Variants in PKHD1 observed in about 807,000 individuals in gnomAD.
The protein encoded by PKHD1 is fibrocystin.
A neutral mutation model predicts 412.0 loss-of-function variants in PKHD1; 291 were observed. The ratio of observed to expected loss-of-function variants is 0.71; its 90% CI spans 0.64 to 0.78. The LOEUF is 0.78. Ranked by LOEUF, PKHD1 falls within the 30% of genes least tolerant of loss-of-function variation. The pLI is 0.00. For synonymous variants in PKHD1, 1,777 were observed against 1,821.5 expected (o/e 0.98, Z 0.62); for missense variants, 4,825 against 4,950.7 (o/e 0.97, Z 0.76).
At chr6:51,864,619 C>A (rs1156253781) in intron 48 of PKHD1, among the ~76,000 whole-genome samples, 2 of 151,890 alleles carry the variant, frequency 1.3e-5, no homozygotes, top group African/African-American at 4.8e-5. Flanking sequence ...AGAAACAGGT[C>A]TACAGAAAAA....
chr6:51,939,535 C>A (rs1788127191), intron 36 of PKHD1, among the ~76,000 whole-genome samples: 3 of 151,588 alleles, frequency 2.0e-5, no homozygotes. Flanking sequence ...GACCCCATTA[C>A]AAACTTGACA....
chr6:51,911,929 C>G lies in PKHD1; in HGVS notation c.6360G>C (p.Trp2120Cys), dbSNP rs1440253606. The G allele has an allele frequency of 6.2e-7, 1 of 1,611,786 alleles. No homozygotes were observed. Among genetic ancestry groups the G allele is most frequent in the Non-Finnish European group, 8.5e-7 (1 of 1,178,674 alleles). ...TTAAAATATGGTGCTCTCCAGCCAC[C>G]CAATTCTCTGTAAAGTTGTGAGAAT... is the stretch of plus-strand genomic sequence containing the variant. ...LRYSHNFTEN[W>C]VAGEHHILKA... The change falls in exon 39 of 67, where the codon TGG (tryptophan) becomes TGC (cysteine). Residue 2120 changes from tryptophan (W) to cysteine (C), a missense_variant. Transcript: ENST00000371117.
intron 52 of PKHD1, among the ~76,000 whole-genome samples, chr6:51,816,761 C>T (rs1010307121): frequency 2.6e-5 from 4 of 152,206 alleles, no homozygotes; most frequent in African/African-American, 9.6e-5. Flanking sequence ...TATCACTTTC[C>T]TTTTTCTGTC....
intron 27 of PKHD1, among the ~76,000 whole-genome samples, chr6:52,039,222 A>G (rs1221463125): frequency 6.6e-6 from 1 of 152,200 alleles, no homozygotes; most frequent in Non-Finnish European, 1.5e-5. Context: ...TAATAATAAC[A>G]AGCACTGGTG....
intron 35 of PKHD1, among the ~76,000 whole-genome samples, chr6:51,986,936 A>G (rs9474125): frequency 0.015 from 2,254 of 152,348 alleles, 61 homozygotes; most frequent in African/African-American, 0.051. Context: ...TCTGGCACAC[A>G]CATAATCTAG....
At chr6:51,762,663 A>ATT (rs537286606) in intron 55 of PKHD1, among the ~76,000 whole-genome samples, 1 of 150,678 alleles carries the variant, frequency 6.6e-6, no homozygotes, top group African/African-American at 2.4e-5. Flanking sequence ...ATATATATAT[A>ATT]TATTTTCAGG....
rs774841199 is a variant in PKHD1 at position 52,058,612 on chromosome 6, A to G, written c.1234-11T>C. The G allele has an allele frequency of 6.2e-7, 1 of 1,613,404 alleles. No individual in the cohort carries two copies. On this transcript the variant is annotated splice_polypyrimidine_tract_variant and intron_variant, in intron 15 of 66. Coordinates refer to ENST00000371117, the MANE Select transcript of PKHD1 (RefSeq NM_138694.4). ...GGAGGCCACTTTCACCTATGCCCAA[A>G]TAAGCATATCATGATCAATACTATG...
At chr6:51,759,194 C>T (rs948040801) in intron 55 of PKHD1, among the ~76,000 whole-genome samples, 7 of 152,232 alleles carry the variant, frequency 4.6e-5, no homozygotes, top group African/African-American at 1.7e-4. Context: ...TATAATGATG[C>T]TGGTAAAGAT....
intron 35 of PKHD1, among the ~76,000 whole-genome samples, chr6:51,982,155 G>A (rs1268980343): frequency 4.2e-4 from 17 of 40,436 alleles, no homozygotes; most frequent in East Asian, 1.2e-3. Flanking sequence ...GAGCGTCTCC[G>A]CCCGGCAGCC....
intron 49 of PKHD1, among the ~76,000 whole-genome samples, chr6:51,852,360 A>G (rs1482451953): frequency 6.6e-6 from 1 of 152,214 alleles, no homozygotes; most frequent in African/African-American, 2.4e-5. Context: ...TGTGGCTCTG[A>G]GAAGAATGTA....
chr6:52,025,809 A>G lies in PKHD1; in HGVS notation c.4001T>C (p.Leu1334Pro). 1 of 1,614,202 alleles carries G rather than the reference A, an allele frequency of 6.2e-7. No individual in the cohort carries two copies. Among genetic ancestry groups the G allele is most frequent in the Non-Finnish European group, 8.5e-7 (1 of 1,180,032 alleles). ...LSNSVILLGN[L>P]NCDVETQSFQ... ...GGACTGTGTCTCAACATCACAGTTC[A>G]GGTTCCCCAGAAGGATGACTGAGTT... Residue 1334 changes from leucine (L) to proline (P), a missense_variant, in exon 32 of 67, where the codon CTG becomes CCG. Leu to Pro is a moderately conservative substitution (Grantham distance 98). Transcript: ENST00000371117.
chr6:51,815,022 T>C (rs750151098), intron 52 of PKHD1, among the ~76,000 whole-genome samples: 1 of 152,176 alleles, frequency 6.6e-6, no homozygotes, highest in Non-Finnish European at 1.5e-5. Context: ...TCTTTGTCAG[T>C]TGCTAAGGTT....
intron 35 of PKHD1, among the ~76,000 whole-genome samples, chr6:52,000,579 T>C (rs888786826): frequency 2.0e-5 from 3 of 152,224 alleles, no homozygotes; most frequent in African/African-American, 7.2e-5. Flanking sequence ...GACTACCTTT[T>C]GTCTGTCATT....
At chr6:51,730,718 T>A (rs1288978939) in intron 60 of PKHD1, among the ~76,000 whole-genome samples, 1 of 152,216 alleles carries the variant, frequency 6.6e-6, no homozygotes, top group Non-Finnish European at 1.5e-5. Context: ...TAGTACTTAT[T>A]TATGAGCTGG....
rs369097366 is a variant in PKHD1, at chr6:51,897,686, A to G, written c.6996+5911T>C. Among the ~76,000 whole-genome samples the G allele has an allele frequency of 2.4e-3, 345 of 146,244 alleles. 3 individuals are homozygous for G. Among genetic ancestry groups the G allele is most frequent in the African/African-American group, 8.2e-3 (317 of 38,750 alleles). On this transcript the variant is annotated intron_variant, in intron 43 of 66. Transcript: ENST00000371117. ...CAATATTAACTTTAAATGTAAATGG[A>G]CTAAATGCTCCAATTAAAAGACACA...
At chr6:51,692,261 TCA>T (rs3061680) in intron 60 of PKHD1, among the ~76,000 whole-genome samples, 2,604 of 147,506 alleles carry the variant, frequency 0.018, 70 homozygotes, top group African/African-American at 0.059. Context: ...ATCACATAAT[TCA>T]CACACACACA....
chr6:52,010,353 C>T lies in PKHD1; in HGVS notation c.5707G>A (p.Val1903Ile), dbSNP rs753639079. 1.4e-5 allele frequency: 23 copies of T among 1,613,536 alleles called. No homozygotes were observed. Among genetic ancestry groups the T allele is most frequent in the Admixed American group, 3.3e-5 (2 of 59,982 alleles). The change falls in exon 35 of 67, where the codon GTC becomes ATC. Residue 1903 changes from valine (V) to isoleucine (I), a missense_variant. By Grantham distance (29) the Val-to-Ile change is conservative. Coordinates refer to ENST00000371117, the MANE Select transcript of PKHD1 (RefSeq NM_138694.4). ...CGTTTCCGTATCTCAGTAATCTTGA[C>T]GGTAATTGGCTGATTGGGCGTCTCA... The part of the protein sequence containing the change: ...ECETPNQPIT[V>I]KITEIRKRWG...
chr6:52,058,716 T>C lies in PKHD1; in HGVS notation c.1234-115A>G, dbSNP rs942973707. 2.9e-6 allele frequency: 3 copies of C among 1,047,550 alleles called. No homozygotes were observed. The Admixed American group carries it at 5.5e-5, about 19-fold the overall frequency. 64.9% of individuals were successfully genotyped at this position (1,047,550 alleles called of 1,614,324 possible). A position where few individuals can be genotyped will look rare whatever the true frequency, so the allele number is the denominator to read the frequency against. On this transcript the variant is annotated intron_variant, in intron 15 of 66. Transcript: ENST00000371117. ...AGAGAGTTTTGAACTGGTCTGCCTTTTTAACATATTAACCCAGTTACCTCA... is the reference window on the plus strand; with the variant it reads ...AGAGAGTTTTGAACTGGTCTGCCTTCTTAACATATTAACCCAGTTACCTCA...
chr6:51,888,211 C>T (rs190862351), intron 43 of PKHD1, among the ~76,000 whole-genome samples: 3 of 152,170 alleles, frequency 2.0e-5, no homozygotes, highest in South Asian at 2.1e-4. Flanking sequence ...ACTATTAAGT[C>T]GCCTTGATAT....
Sources: gnomAD v4.1 joint callset for allele counts (sites outside exome capture counted in the v4.1 genomes callset) on GRCh38, gnomAD v4.1.1 for gene constraint, MANE v1.5 for transcripts, NCBI Gene and HGNC (gene_info 2026-07-23, HGNC 2026-07-21) for gene names.